Variants in SYT1 observed in about 807,000 individuals in gnomAD.
The protein encoded by SYT1 is synaptotagmin 1.
Under a neutral mutation model 44.8 loss-of-function variants are expected in SYT1, and 8 were observed. That is an observed-to-expected ratio of 0.18 (90% CI 0.10 to 0.32). SYT1 has a LOEUF of 0.32. Among genes scored for constraint, SYT1 ranks in the 10% least tolerant of loss-of-function variants. The pLI is 1.00. For missense variants in SYT1, 286 were observed against 509.3 expected (o/e 0.56, Z 4.22); for synonymous variants, 154 against 188.8 (o/e 0.82, Z 1.51).
At chr12:78,867,990 T>C (rs1196563129) in intron 1 of SYT1, among the ~76,000 whole-genome samples, 3 of 151,934 alleles carry the variant, frequency 2.0e-5, no homozygotes, top group Non-Finnish European at 4.4e-5. Flanking sequence ...ATTAACATAA[T>C]ATCAGTTCAT....
chr12:78,920,844 G>A (rs1157968579), intron 1 of SYT1, among the ~76,000 whole-genome samples: 1 of 151,838 alleles, frequency 6.6e-6, no homozygotes, highest in Non-Finnish European at 1.5e-5. Flanking sequence ...TTAGTGATTT[G>A]CAAATCAAAG....
intron 1 of SYT1, among the ~76,000 whole-genome samples, chr12:78,950,328 T>C (rs933547987): frequency 1.3e-5 from 2 of 152,100 alleles, no homozygotes; most frequent in African/African-American, 2.4e-5. Context: ...TTTTGAAGTA[T>C]CTTTTTAATA....
chr12:79,437,352 G>A (rs961251106), intron 9 of SYT1, among the ~76,000 whole-genome samples: 3 of 152,148 alleles, frequency 2.0e-5, no homozygotes, highest in African/African-American at 7.2e-5. Context: ...TAGAAAGAGA[G>A]AAATCACCAG....
chr12:79,047,550 G>C (rs1238162803), intron 3 of SYT1, among the ~76,000 whole-genome samples, 188 bp downstream of exon 3: 1 of 151,794 alleles, frequency 6.6e-6, no homozygotes, highest in Non-Finnish European at 1.5e-5. Flanking sequence ...TTACATAAGA[G>C]GGCAAAGTAC....
intron 1 of SYT1, among the ~76,000 whole-genome samples, chr12:78,866,199 C>A (rs930714601): frequency 6.6e-6 from 1 of 152,154 alleles, no homozygotes; most frequent in South Asian, 2.1e-4. Context: ...TTTATTCTAC[C>A]TTTGTACTAT....
At chr12:79,115,468 C>A (rs1879226493) in intron 3 of SYT1, among the ~76,000 whole-genome samples, 1 of 152,176 alleles carries the variant, frequency 6.6e-6, no homozygotes, top group Non-Finnish European at 1.5e-5. Context: ...ACATAAACAA[C>A]AAATTTTACC....
intron 3 of SYT1, among the ~76,000 whole-genome samples, chr12:79,156,118 C>T (rs1041985078): frequency 6.6e-6 from 1 of 152,230 alleles, no homozygotes; most frequent in East Asian, 1.9e-4. Flanking sequence ...CAACCTTGGA[C>T]AAGATGAGTA....
intron 1 of SYT1, among the ~76,000 whole-genome samples, chr12:78,954,887 G>C (rs1879133721): frequency 6.6e-6 from 1 of 151,990 alleles, no homozygotes; most frequent in South Asian, 2.1e-4. Context: ...CTATTTTTGA[G>C]CTTGTGATTA....
intron 9 of SYT1, among the ~76,000 whole-genome samples, chr12:79,416,156 G>A (rs538142409): frequency 1.2e-4 from 19 of 152,256 alleles, no homozygotes; most frequent in Admixed American, 2.0e-4. Context: ...GAACCACGAA[G>A]GCCAAGTCTG....
intron 3 of SYT1, among the ~76,000 whole-genome samples, chr12:79,102,859 A>C (rs1395855075): frequency 6.6e-6 from 1 of 152,224 alleles, no homozygotes; most frequent in African/African-American, 2.4e-5. Context: ...GATTTTAGGT[A>C]ATAGAATTTC....
At chr12:78,963,211 T>C (rs2137350547) in intron 1 of SYT1, among the ~76,000 whole-genome samples, 1 of 152,278 alleles carries the variant, frequency 6.6e-6, no homozygotes, top group South Asian at 2.1e-4. Context: ...CATTTATCTG[T>C]ATTCTTAAAA....
chr12:79,155,398 A>G (rs570978417), intron 3 of SYT1, among the ~76,000 whole-genome samples: 3 of 152,328 alleles, frequency 2.0e-5, no homozygotes, highest in Admixed American at 2.0e-4. Flanking sequence ...CTAGGATCCC[A>G]GTGTTAATAT....
chr12:79,093,922 T>A (rs1185905822), intron 3 of SYT1, among the ~76,000 whole-genome samples: 1 of 151,676 alleles, frequency 6.6e-6, no homozygotes, highest in Admixed American at 6.6e-5. Context: ...TGTACCAACA[T>A]GTTATCAATA....
At chr12:79,363,618 C>T (rs1269440217) in intron 9 of SYT1, among the ~76,000 whole-genome samples, 1 of 151,504 alleles carries the variant, frequency 6.6e-6, no homozygotes, top group African/African-American at 2.4e-5. Context: ...ACCTGTGGTC[C>T]CAGCTACATG....
At chr12:79,329,092 A>G (rs1881741127) in intron 8 of SYT1, among the ~76,000 whole-genome samples, 1 of 152,166 alleles carries the variant, frequency 6.6e-6, no homozygotes, top group Non-Finnish European at 1.5e-5. Flanking sequence ...ATCCAAGCTC[A>G]TGGCCACAGA....
chr12:79,362,073 A>C, intron 9 of SYT1, among the ~76,000 whole-genome samples: 1 of 152,218 alleles, frequency 6.6e-6, no homozygotes, highest in East Asian at 1.9e-4. Flanking sequence ...TCAGCTAGAT[A>C]ATTTTAACAA....
chr12:79,096,986 A>G (rs1278379989), intron 3 of SYT1, among the ~76,000 whole-genome samples: 1 of 152,008 alleles, frequency 6.6e-6, no homozygotes, highest in African/African-American at 2.4e-5. Flanking sequence ...GAAGTAAATG[A>G]TAATTCCTAG....
intron 8 of SYT1, among the ~76,000 whole-genome samples, chr12:79,343,768 A>C (rs1451554222): frequency 6.6e-6 from 1 of 152,252 alleles, no homozygotes; most frequent in South Asian, 2.1e-4. Flanking sequence ...CATATAAATG[A>C]AACACAATTT....
At chr12:78,954,630 C>G (rs1304963957) in intron 1 of SYT1, among the ~76,000 whole-genome samples, 1 of 151,486 alleles carries the variant, frequency 6.6e-6, no homozygotes, top group Non-Finnish European at 1.5e-5. Flanking sequence ...TGATATTTAC[C>G]CTACAGATTT....
Sources: allele counts gnomAD v4.1 joint callset (sites outside exome capture counted in the v4.1 genomes callset), GRCh38; gene constraint gnomAD v4.1.1; transcripts MANE v1.5; gene names NCBI Gene and HGNC (gene_info 2026-07-23, HGNC 2026-07-21).